Variants in XRCC5 observed in about 807,000 individuals in gnomAD.
XRCC5 encodes DNA repair protein Ku80.
A neutral mutation model predicts 95.7 loss-of-function variants in XRCC5; 12 were observed. That is an observed-to-expected ratio of 0.13 (90% CI 0.08 to 0.20). XRCC5 has a LOEUF of 0.20. Among genes scored for constraint, XRCC5 ranks in the 10% least tolerant of loss-of-function variants. The pLI, the probability that XRCC5 is intolerant of heterozygous loss-of-function variation, is 1.00. For synonymous variants in XRCC5, 281 were observed against 290.3 expected, an observed-to-expected ratio of 0.97 and a Z score of 0.33; for missense variants, 595 against 873.9, an observed-to-expected ratio of 0.68 and a Z score of 4.02.
chr2:216,114,689 G>C (rs543978884), intron 2 of XRCC5, among the ~76,000 whole-genome samples: 3 of 152,300 alleles, frequency 2.0e-5, no homozygotes, highest in African/African-American at 7.2e-5. Flanking sequence ...GCCATGATTG[G>C]TGTCAGGAAT....
chr2:216,187,861 T>TC (rs1553579201), intron 16 of XRCC5, among the ~76,000 whole-genome samples: 52 of 116,272 alleles, frequency 4.5e-4, no homozygotes, highest in African/African-American at 2.1e-3. Context: ...TCTCTCTCTC[T>TC]CCCCGTCTCC....
intron 16 of XRCC5, among the ~76,000 whole-genome samples, chr2:216,176,930 A>T (rs1390694114): frequency 6.6e-6 from 1 of 152,172 alleles, no homozygotes; most frequent in Non-Finnish European, 1.5e-5. Context: ...AATATATTCT[A>T]ATGTCTTTCA....
rs540882409 is a variant in XRCC5 at position 216,178,780 on chromosome 2, T to C, written c.1835-11445T>C. Among the ~76,000 whole-genome samples the C allele has an allele frequency of 6.6e-5, 10 of 152,326 alleles. No homozygotes were observed. The East Asian group carries it at 1.2e-3, about 18-fold the overall frequency. Reference sequence around the variant, plus strand: ...GGAGGGAGGGGATAAAAGAGAGTTCTAGACTGTCTACTCCCCTAAGTGGCA... The same window carrying C: ...GGAGGGAGGGGATAAAAGAGAGTTCCAGACTGTCTACTCCCCTAAGTGGCA... On this transcript the variant is annotated intron_variant, in intron 16 of 20. Transcript: ENST00000392132.
At chr2:216,171,169 G>T (rs557604310) in intron 16 of XRCC5, among the ~76,000 whole-genome samples, 62 of 152,352 alleles carry the variant, frequency 4.1e-4, no homozygotes, top group African/African-American at 1.5e-3. Context: ...GAGGAGCCAA[G>T]AAACAGCTAG....
At chr2:216,202,805 T>C (rs994296316) in intron 19 of XRCC5, among the ~76,000 whole-genome samples, 1 of 152,220 alleles carries the variant, frequency 6.6e-6, no homozygotes, top group African/African-American at 2.4e-5. Flanking sequence ...ATTATGTCCA[T>C]GGTGCTGACA....
chr2:216,155,456 T>C (rs1246541946), intron 14 of XRCC5, among the ~76,000 whole-genome samples: 2 of 152,014 alleles, frequency 1.3e-5, no homozygotes, highest in African/African-American at 4.8e-5. Context: ...AAAAAAACAT[T>C]GGCAAATATT....
At chr2:216,121,504 C>T (rs1248864528) in intron 5 of XRCC5, among the ~76,000 whole-genome samples, 3 of 152,142 alleles carry the variant, frequency 2.0e-5, no homozygotes, top group African/African-American at 7.2e-5. Flanking sequence ...ACTGTTCTCA[C>T]GTGGTGGAAG....
intron 16 of XRCC5, among the ~76,000 whole-genome samples, chr2:216,166,754 A>C (rs1689060896): frequency 6.6e-6 from 1 of 152,238 alleles, no homozygotes; most frequent in South Asian, 2.1e-4. Context: ...AGGAAAAGCC[A>C]CATTACTTCT....
At chr2:216,142,258 CTA>C (rs1393059280) in intron 13 of XRCC5, among the ~76,000 whole-genome samples, 1 of 151,942 alleles carries the variant, frequency 6.6e-6, no homozygotes, top group African/African-American at 2.4e-5. Flanking sequence ...TATATGAACT[CTA>C]TAATAATATA....
chr2:216,158,821 C>A (rs938588849), intron 14 of XRCC5, among the ~76,000 whole-genome samples: 1 of 152,136 alleles, frequency 6.6e-6, no homozygotes, highest in Non-Finnish European at 1.5e-5. Context: ...AGAGGAAATT[C>A]ATTATTGAAA....
intron 16 of XRCC5, among the ~76,000 whole-genome samples, chr2:216,180,711 A>C (rs756866540): frequency 2.6e-4 from 39 of 152,196 alleles, no homozygotes; most frequent in Non-Finnish European, 4.7e-4. Context: ...GGGCATTCTA[A>C]GGAAGGCAAC....
Position 216,192,847 on chromosome 2 carries a change from T to C in XRCC5, c.2041+112T>C, listed in dbSNP as rs1689642896. The C allele has an allele frequency of 1.8e-5, 13 of 727,644 alleles. No individual in the cohort carries two copies. The South Asian group carries it at 3.9e-4, about 22-fold the overall frequency. 45.1% of individuals were successfully genotyped at this position (727,644 alleles called of 1,614,324 possible). The stretch of plus-strand genomic sequence containing the variant: ...ATAAACTGTATTGTATAATGAGTTA[T>C]GTGGGAAACATGATGACTTTCTACA... On this transcript the variant is annotated intron_variant, in intron 18 of 20. Transcript: ENST00000392132.
rs1182534550 is a variant in XRCC5 at position 216,175,175 on chromosome 2, C to T, written c.1834+13127C>T. On this transcript the variant is annotated intron_variant, in intron 16 of 20. Transcript: ENST00000392132. The stretch of plus-strand genomic sequence containing the variant: ...TATCCTGGTTCACCATCTCCATAGC[C>T]CCCACTACTGCTGTAGGCAGGCCCA... The T allele has an allele frequency of 8.1e-6, 3 of 368,320 alleles. No homozygotes were observed. The East Asian group carries it at 2.0e-4, about 25-fold the overall frequency. The allele number at this position is 368,320 out of a possible 1,614,324, so 22.8% of individuals were successfully genotyped here. A position where few individuals can be genotyped will look rare whatever the true frequency, so the allele number is the denominator to read the frequency against.
At position 216,190,450 on chromosome 2, in the gene XRCC5, G is replaced by T. The variant is rs1559262325; in HGVS notation, c.1944+116G>T. On this transcript the variant is annotated intron_variant, in intron 17 of 20. Transcript: ENST00000392132. ...CCGTGGAAATTATCATTCTCAATAT[G>T]AATAGCAGTGTATGCCAGTGGAGCT... is the stretch of plus-strand genomic sequence containing the variant. 3 of 784,202 alleles carry T rather than the reference G, an allele frequency of 3.8e-6. No homozygotes were observed. In the East Asian group the frequency reaches 8.1e-5, roughly 21 times the overall value. The allele number at this position is 784,202 out of a possible 1,614,324, so 48.6% of individuals were successfully genotyped here.
intron 1 of XRCC5, among the ~76,000 whole-genome samples, chr2:216,109,756 C>G (rs540245369): frequency 6.6e-6 from 1 of 151,822 alleles, no homozygotes; most frequent in Non-Finnish European, 1.5e-5. Flanking sequence ...CACCCGCCTC[C>G]CCTCTCTCTC....
intron 10 of XRCC5, among the ~76,000 whole-genome samples, chr2:216,136,728 A>G (rs985559849): frequency 6.6e-6 from 1 of 152,128 alleles, no homozygotes; most frequent in African/African-American, 2.4e-5. Flanking sequence ...CAGCATGCCT[A>G]TTATTTTAAG....
At chr2:216,118,967 G>A (rs181615100) in intron 4 of XRCC5, 76 bp from the exon 5 acceptor site, 1,393 of 1,505,260 alleles carry the variant, frequency 9.3e-4, no homozygotes, top group Non-Finnish European at 1.2e-3. Flanking sequence ...TCTCTCCTCA[G>A]TGACCAAGTG....
intron 8 of XRCC5, among the ~76,000 whole-genome samples, chr2:216,128,700 AAGT>A (rs1696933175): frequency 1.3e-5 from 2 of 152,296 alleles, no homozygotes; most frequent in East Asian, 3.9e-4. Context: ...CAGAGATACT[AAGT>A]AGTCCACTTG....
chr2:216,156,557 A>G, intron 14 of XRCC5: 1 of 597,190 alleles, frequency 1.7e-6, no homozygotes, highest in Non-Finnish European at 3.3e-6. Context: ...GTACTTGGTG[A>G]GGTTAGCTTT....
Sources: gnomAD v4.1 joint callset for allele counts (sites outside exome capture counted in the v4.1 genomes callset) on GRCh38, gnomAD v4.1.1 for gene constraint, MANE v1.5 for transcripts, NCBI Gene and HGNC (gene_info 2026-07-23, HGNC 2026-07-21) for gene names.